KDM1A: variants seen among roughly 807,000 people sequenced by gnomAD.
The protein encoded by KDM1A is lysine-specific histone demethylase 1A.
KDM1A carries 49 observed loss-of-function variants against 109.4 expected under a neutral mutation model. That is an observed-to-expected ratio of 0.45 (90% CI 0.36 to 0.57). The LOEUF (loss-of-function observed/expected upper bound fraction) is 0.57. KDM1A is among the 20% of genes least tolerant of loss of function. The pLI is 0.00. For synonymous variants in KDM1A, 380 were observed against 415.4 expected (o/e 0.91, Z 1.04); for missense variants, 668 against 1,116.6 (o/e 0.60, Z 5.73).
intron 3 of KDM1A, among the ~76,000 whole-genome samples, chr1:23,045,513 CCT>C (rs1642477218): frequency 6.6e-6 from 1 of 152,090 alleles, no homozygotes; most frequent in Non-Finnish European, 1.5e-5. Context: ...AGAATTAAAC[CCT>C]GTTCAGAGTC....
At chr1:23,030,372 T>G in intron 1 of KDM1A, 97 bp from the exon 2 acceptor site, 1 of 920,378 alleles carries the variant, frequency 1.1e-6, no homozygotes, top group Non-Finnish European at 1.5e-6. Flanking sequence ...CCTTAAAATG[T>G]GAGGTTAACA....
In KDM1A at chr1:23,019,623, CGCGGCGGCGGCGGCTGCA is replaced by C. The variant is rs1422927582; in HGVS notation, c.33_50del (p.Ala13_Ala18del). ...TGTTATCTGGGAAGAAGGCGGCAGCCGCGGCGGCGGCGGCTGCAGCGGCAGCAACCGGGACGGAGGCTG... is the reference window on the plus strand; with the variant it reads ...TGTTATCTGGGAAGAAGGCGGCAGCCGCGGCAGCAACCGGGACGGAGGCTG... On this transcript the variant is annotated inframe_deletion, in exon 1 of 21. Transcript: ENST00000400181. 9.9e-6 allele frequency: 14 copies of C among 1,418,088 alleles called. No homozygotes were observed. Among genetic ancestry groups the C allele is most frequent in the Non-Finnish European group, 1.3e-5 (14 of 1,095,170 alleles). The allele number at this position is 1,418,088 out of a possible 1,614,324, so 87.8% of individuals were successfully genotyped here.
rs565079968 is a variant in KDM1A at position 23,071,916 on chromosome 1, C to T, written c.1549-208C>T. On this transcript the variant is annotated intron_variant, in intron 13 of 20. Coordinates refer to ENST00000400181, the MANE Select transcript of KDM1A (RefSeq NM_001009999.3). Reference sequence around the variant, plus strand: ...ATTTTCTCCTGTGTGCTCCTTGCCTCCCCCTAATATTCCAGGCCCCCAACT... The same window carrying T: ...ATTTTCTCCTGTGTGCTCCTTGCCTTCCCCTAATATTCCAGGCCCCCAACT... Among the ~76,000 whole-genome samples, 10 of 152,194 alleles carry T rather than the reference C, an allele frequency of 6.6e-5. No homozygotes were observed. In the East Asian group the frequency reaches 7.7e-4, roughly 12 times the overall value.
chr1:23,030,527 C>T lies in KDM1A; in HGVS notation c.410C>T (p.Ser137Leu). ...AACCTCTCAGAAGATGAGTATTATT[C>T]AGAAGAAGAGAGAAATGCCAAAGCA... Reference protein sequence around the residue: ...LANLSEDEYYSEEERNAKAEK... With the variant: ...LANLSEDEYYLEEERNAKAEK... Residue 137 changes from serine to leucine, a missense_variant, in exon 2 of 21, where the codon TCA (serine) becomes TTA (leucine). By Grantham distance (145) the Ser-to-Leu change is moderately radical. This residue lies in a region of KDM1A where 15 missense variants were observed against 52.7 expected (regional missense o/e 0.28). Transcript: ENST00000400181. 1 of 1,612,574 alleles carries T rather than the reference C, an allele frequency of 6.2e-7. No homozygotes were observed. Among genetic ancestry groups the T allele is most frequent in the Non-Finnish European group, 8.5e-7 (1 of 1,179,542 alleles).
intron 2 of KDM1A, among the ~76,000 whole-genome samples, chr1:23,036,009 G>C (rs1642132107): frequency 6.6e-6 from 1 of 152,132 alleles, no homozygotes; most frequent in Non-Finnish European, 1.5e-5. Flanking sequence ...ACTGAGTGCA[G>C]TCTGGTGGTT....
At position 23,021,319 on chromosome 1, in the gene KDM1A, C is replaced by T. The variant is rs570137058; in HGVS notation, c.351+1372C>T. 8.5e-5 allele frequency among the ~76,000 whole-genome samples: 13 copies of T among 152,272 alleles called. No individual in the cohort carries two copies. In the South Asian group the frequency reaches 2.5e-3, roughly 29 times the overall value. ...GGCAGAAGTCAAGAGTGTTATTTTA[C>T]GATTTCAATAGACAGGTGGCCAGAA... is the stretch of plus-strand genomic sequence containing the variant. On this transcript the variant is annotated intron_variant, in intron 1 of 20. Coordinates refer to ENST00000400181, the MANE Select transcript of KDM1A (RefSeq NM_001009999.3).
chr1:23,057,353 G>A, intron 7 of KDM1A, 131 bp from the exon 8 acceptor site: 1 of 680,876 alleles, frequency 1.5e-6, no homozygotes, highest in Non-Finnish European at 2.6e-6. Flanking sequence ...CCATAGTACT[G>A]TTGATTGCAT....
rs761355399 is a variant in KDM1A, at chr1:23,083,160, TC to T, written c.2446-18del. ...GTATATGTGCAGCCTGCCAATTTTC[TC>T]TTTTTCCCCTAAAATAGCCGATTCC... is the stretch of plus-strand genomic sequence containing the variant. On this transcript the variant is annotated intron_variant, in intron 20 of 20. Coordinates refer to ENST00000400181, the MANE Select transcript of KDM1A (RefSeq NM_001009999.3). 6.3e-7 allele frequency: 1 copy of T among 1,599,292 alleles called. No homozygotes were observed. Among genetic ancestry groups the T allele is most frequent in the African/African-American group, 1.3e-5 (1 of 74,720 alleles).
chr1:23,071,129 G>A, intron 12 of KDM1A, 96 bp from the exon 13 acceptor site: 1 of 920,294 alleles, frequency 1.1e-6, no homozygotes, highest in Non-Finnish European at 1.7e-6. Flanking sequence ...TGTTTTGTTG[G>A]GATAGCAGTT....
intron 2 of KDM1A, among the ~76,000 whole-genome samples, chr1:23,033,607 T>A (rs1180852655): frequency 6.6e-6 from 1 of 152,196 alleles, no homozygotes; most frequent in African/African-American, 2.4e-5. Flanking sequence ...GTTTAGAAAT[T>A]TTTGCTTTGC....
intron 2 of KDM1A, among the ~76,000 whole-genome samples, chr1:23,035,076 A>T (rs1478864015): frequency 6.6e-6 from 1 of 152,198 alleles, no homozygotes; most frequent in Non-Finnish European, 1.5e-5. Flanking sequence ...TGGAATGACC[A>T]TGGGAAGAAT....
intron 2 of KDM1A, among the ~76,000 whole-genome samples, chr1:23,034,330 A>G (rs1209832366): frequency 1.3e-5 from 2 of 152,326 alleles, no homozygotes; most frequent in African/African-American, 2.4e-5. Flanking sequence ...GGTCATGCCA[A>G]CTAAACTTGA....
chr1:23,034,036 A>G (rs1031935822), intron 2 of KDM1A, among the ~76,000 whole-genome samples: 5 of 152,198 alleles, frequency 3.3e-5, no homozygotes, highest in African/African-American at 4.8e-5. Context: ...CACTTATATA[A>G]TTGGAAGGAA....
At chr1:23,055,194 CA>C in intron 6 of KDM1A, 33 bp downstream of exon 6, 1 of 1,366,890 alleles carries the variant, frequency 7.3e-7, no homozygotes, top group Non-Finnish European at 1.0e-6. Context: ...ATAAATTTTA[CA>C]TTTTTAAGTT....
At chr1:23,064,505 G>A (rs1055416673) in intron 9 of KDM1A, among the ~76,000 whole-genome samples, 21 of 152,244 alleles carry the variant, frequency 1.4e-4, no homozygotes, top group African/African-American at 4.6e-4. Context: ...ATTACCTAGC[G>A]TACATTGCTG....
At chr1:23,073,823 C>T (rs1358357520) in intron 15 of KDM1A, among the ~76,000 whole-genome samples, 2 of 152,152 alleles carry the variant, frequency 1.3e-5, no homozygotes, top group African/African-American at 2.4e-5. Flanking sequence ...TGAGATTCAT[C>T]TTTTTTGCCT....
At chr1:23,063,582 C>T (rs2124493888) in intron 9 of KDM1A, among the ~76,000 whole-genome samples, 1 of 152,254 alleles carries the variant, frequency 6.6e-6, no homozygotes, top group East Asian at 1.9e-4. Context: ...TCATTACTGC[C>T]AATCCATGCT....
chr1:23,057,799 GC>G, intron 8 of KDM1A: 1 of 135,460 alleles, frequency 7.4e-6, no homozygotes, highest in Non-Finnish European at 1.5e-5. Context: ...TGTGTTTGAA[GC>G]TTTTTTTTTT....
chr1:23,079,484 A>T lies in KDM1A; in HGVS notation c.2056-69A>T. 1 of 1,128,222 alleles carries T rather than the reference A, an allele frequency of 8.9e-7. No homozygotes were observed. The highest frequency in any genetic ancestry group is 1.3e-6 in the Non-Finnish European group (1 of 761,526). The allele number at this position is 1,128,222 out of a possible 1,614,324, so 69.9% of individuals were successfully genotyped here. On this transcript the variant is annotated intron_variant, in intron 17 of 20. Coordinates refer to ENST00000400181, the MANE Select transcript of KDM1A (RefSeq NM_001009999.3). The surrounding 1 kb of genome is among the most constrained non-coding windows in gnomAD (Gnocchi z 5.6). ...TTGAAAGCAGATTAGAAGAGACTTT[A>T]AGGAAGTCTGTTGAAGCCAGTATTA...
Sources: gnomAD v4.1 joint callset for allele counts (sites outside exome capture counted in the v4.1 genomes callset) on GRCh38, gnomAD v4.1.1 for gene constraint, gnomAD v4.1.1 regional missense constraint, Gnocchi (gnomAD v3.1) non-coding constraint, MANE v1.5 for transcripts, NCBI Gene and HGNC (gene_info 2026-07-23, HGNC 2026-07-21) for gene names.